Variants in IPCEF1 observed in about 807,000 individuals in gnomAD.
IPCEF1 encodes the protein interaction protein for cytohesin exchange factors 1, also known as interactor protein for cytohesin exchange factors 1.
A neutral mutation model predicts 50.9 loss-of-function variants in IPCEF1; 31 were observed. That is an observed-to-expected ratio of 0.61 (90% CI 0.46 to 0.82). The LOEUF is 0.82. Among genes scored for constraint, IPCEF1 ranks in the 40% least tolerant of loss-of-function variants. The probability of loss-of-function intolerance (pLI) is 0.00; values close to 1 mark genes in which losing one functional copy is unlikely to be tolerated. For synonymous variants in IPCEF1, 181 were observed against 192.0 expected, an observed-to-expected ratio of 0.94 and a Z score of 0.47; for missense variants, 458 against 514.0, an observed-to-expected ratio of 0.89 and a Z score of 1.05.
chr6:154,162,999 TCAGAG>T (rs1282182596), intron 11 of IPCEF1, among the ~76,000 whole-genome samples: 1 of 152,152 alleles, frequency 6.6e-6, no homozygotes, highest in Non-Finnish European at 1.5e-5. Flanking sequence ...TTCCAGTTGC[TCAGAG>T]CAAACACTGG....
At position 154,160,054 on chromosome 6, in the gene IPCEF1, A is replaced by T. The variant is rs1381603478; in HGVS notation, c.1105-14T>A. The T allele has an allele frequency of 1.9e-6, 3 of 1,590,676 alleles. No individual in the cohort carries two copies. The Admixed American group carries it at 5.2e-5, about 28-fold the overall frequency. On this transcript the variant is annotated splice_polypyrimidine_tract_variant and intron_variant, in intron 11 of 11. Transcript: ENST00000367220. ...ATGTTCTTTACACTGTGTGAGTAGA[A>T]AAAAAGGGGAAGGGGGTATGTTGAG...
chr6:154,161,637 A>G (rs1386170855), intron 11 of IPCEF1, among the ~76,000 whole-genome samples: 1 of 152,172 alleles, frequency 6.6e-6, no homozygotes, highest in Admixed American at 6.6e-5. Context: ...CCTTCCAATG[A>G]TGCCCTCTGA....
At chr6:154,247,697 A>G (rs554761358) in intron 3 of IPCEF1, 3 of 461,646 alleles carry the variant, frequency 6.5e-6, no homozygotes, top group Non-Finnish European at 1.2e-5. Flanking sequence ...CTGAAAAAAA[A>G]AAAAAGTCAC....
chr6:154,273,345 G>C (rs1194317390), intron 2 of IPCEF1, among the ~76,000 whole-genome samples: 1 of 152,156 alleles, frequency 6.6e-6, no homozygotes, highest in Non-Finnish European at 1.5e-5. Context: ...TCGACAAGTA[G>C]GTAATCCATG....
At chr6:154,230,101 G>A (rs1779606243) in intron 5 of IPCEF1, among the ~76,000 whole-genome samples, 1 of 152,120 alleles carries the variant, frequency 6.6e-6, no homozygotes, top group Admixed American at 6.5e-5. Flanking sequence ...GATCTTATTG[G>A]TACAATACCA....
chr6:154,292,826 A>G (rs1465691272), intron 1 of IPCEF1, among the ~76,000 whole-genome samples: 3 of 152,222 alleles, frequency 2.0e-5, no homozygotes, highest in African/African-American at 7.2e-5. Context: ...AAAATAAATG[A>G]GTATTAGCTG....
intron 1 of IPCEF1, among the ~76,000 whole-genome samples, chr6:154,317,328 T>C (rs975152870): frequency 2.0e-5 from 3 of 151,770 alleles, no homozygotes; most frequent in Non-Finnish European, 2.9e-5. Flanking sequence ...GGTGGGTGGA[T>C]CACGAGGTCA....
chr6:154,237,174 G>A (rs1416976408), intron 5 of IPCEF1, among the ~76,000 whole-genome samples: 1 of 152,180 alleles, frequency 6.6e-6, no homozygotes, highest in African/African-American at 2.4e-5. Flanking sequence ...AGACTTCTCA[G>A]GAAAATCCTC....
At chr6:154,197,893 A>G (rs899161710) in intron 10 of IPCEF1, among the ~76,000 whole-genome samples, 1 of 152,210 alleles carries the variant, frequency 6.6e-6, no homozygotes, top group Non-Finnish European at 1.5e-5. Flanking sequence ...AAGCGTTTGT[A>G]GGAGAAAAAT....
chr6:154,340,363 G>A (rs887034922), intron 1 of IPCEF1, among the ~76,000 whole-genome samples: 8 of 151,622 alleles, frequency 5.3e-5, no homozygotes, highest in African/African-American at 1.9e-4. Flanking sequence ...CAATTCTCCC[G>A]CCCCAACCTC....
At chr6:154,303,944 T>G (rs527736285) in intron 1 of IPCEF1, among the ~76,000 whole-genome samples, 1 of 150,676 alleles carries the variant, frequency 6.6e-6, no homozygotes, top group African/African-American at 2.4e-5. Flanking sequence ...ATGCACTCCT[T>G]AACCAGGCAA....
chr6:154,255,911 T>A (rs1562568438), intron 3 of IPCEF1, among the ~76,000 whole-genome samples: 1 of 152,252 alleles, frequency 6.6e-6, no homozygotes, highest in Non-Finnish European at 1.5e-5. Context: ...TCTTCAAAAA[T>A]TTTTAAAAGT....
At chr6:154,252,202 C>A (rs1354220681) in intron 3 of IPCEF1, among the ~76,000 whole-genome samples, 2 of 152,118 alleles carry the variant, frequency 1.3e-5, no homozygotes, top group Admixed American at 6.5e-5. Flanking sequence ...ACATCAGAAT[C>A]CAAAGGAAAA....
intron 2 of IPCEF1, among the ~76,000 whole-genome samples, chr6:154,267,312 A>G (rs1781781539): frequency 1.3e-5 from 2 of 151,670 alleles, no homozygotes. Context: ...ATAAAATACA[A>G]ATAACTAATG....
intron 1 of IPCEF1, among the ~76,000 whole-genome samples, chr6:154,337,157 C>T (rs901503077): frequency 6.6e-6 from 1 of 151,992 alleles, no homozygotes; most frequent in Non-Finnish European, 1.5e-5. Flanking sequence ...AAAAAATGTG[C>T]ACAAACATAC....
intron 3 of IPCEF1, among the ~76,000 whole-genome samples, chr6:154,248,913 G>GAA: frequency 6.6e-6 from 1 of 151,860 alleles, no homozygotes; most frequent in Non-Finnish European, 1.5e-5. Context: ...CTAATAAACA[G>GAA]AAAAAAATCA....
intron 10 of IPCEF1, among the ~76,000 whole-genome samples, chr6:154,175,314 A>C (rs563205037): frequency 6.6e-6 from 1 of 152,210 alleles, no homozygotes; most frequent in African/African-American, 2.4e-5. Context: ...GCAAGAAATA[A>C]CTAAGATCAG....
At chr6:154,183,839 G>A (rs910362005) in intron 10 of IPCEF1, among the ~76,000 whole-genome samples, 6 of 152,034 alleles carry the variant, frequency 3.9e-5, no homozygotes, top group East Asian at 1.9e-4. Context: ...ACAGTGAACC[G>A]AGGTCATGCC....
chr6:154,181,931 G>C (rs550637201), intron 10 of IPCEF1, among the ~76,000 whole-genome samples: 2 of 152,222 alleles, frequency 1.3e-5, no homozygotes, highest in Non-Finnish European at 2.9e-5. Context: ...TGAGTGCTTA[G>C]AAGATGAGAA....
Sources: allele counts gnomAD v4.1 joint callset (sites outside exome capture counted in the v4.1 genomes callset), GRCh38; gene constraint gnomAD v4.1.1; transcripts MANE v1.5; gene names NCBI Gene and HGNC (gene_info 2026-07-23, HGNC 2026-07-21).